Variants in SPAG16 observed in about 807,000 individuals in gnomAD.
SPAG16 encodes sperm-associated antigen 16 protein.
In SPAG16, 86 loss-of-function variants were observed where a neutral mutation model predicts 80.4. The ratio of observed to expected loss-of-function variants is 1.07; its 90% CI spans 0.90 to 1.28. The LOEUF (loss-of-function observed/expected upper bound fraction) is 1.28. Among genes scored for constraint, SPAG16 ranks in the 50% most tolerant of loss-of-function variants. SPAG16 has a pLI of 0.00. For synonymous variants in SPAG16, 294 were observed against 265.9 expected, an observed-to-expected ratio of 1.11 and a Z score of -1.03; for missense variants, 870 against 765.3, an observed-to-expected ratio of 1.14 and a Z score of -1.61.
At chr2:213,523,946 A>C (rs1040235527) in intron 10 of SPAG16, among the ~76,000 whole-genome samples, 1 of 152,242 alleles carries the variant, frequency 6.6e-6, no homozygotes, top group Non-Finnish European at 1.5e-5. Flanking sequence ...TTCTGGGGAG[A>C]AATTTGCATA....
intron 15 of SPAG16, among the ~76,000 whole-genome samples, chr2:214,260,589 A>G (rs1324981141): frequency 6.6e-6 from 1 of 152,006 alleles, no homozygotes; most frequent in African/African-American, 2.4e-5. Flanking sequence ...CTTTCTTTTC[A>G]TCTTAAGGAC....
At chr2:213,512,445 A>G (rs2075266142) in intron 10 of SPAG16, among the ~76,000 whole-genome samples, 2 of 152,198 alleles carry the variant, frequency 1.3e-5, no homozygotes, top group Non-Finnish European at 2.9e-5. Context: ...ACTAAAGACC[A>G]TGTGAGGGAA....
intron 10 of SPAG16, among the ~76,000 whole-genome samples, chr2:213,799,843 T>C (rs1437034583): frequency 2.7e-5 from 4 of 150,930 alleles, no homozygotes; most frequent in African/African-American, 9.8e-5. Context: ...TCAATATCAA[T>C]AGGAAACATA....
intron 15 of SPAG16, among the ~76,000 whole-genome samples, chr2:214,394,137 G>A (rs1430201935): frequency 6.6e-6 from 1 of 151,982 alleles, no homozygotes; most frequent in African/African-American, 2.4e-5. Flanking sequence ...ATCTAAATAG[G>A]CATCTCTCTT....
intron 9 of SPAG16, among the ~76,000 whole-genome samples, chr2:213,482,951 T>C (rs192257402): frequency 1.3e-5 from 2 of 152,160 alleles, no homozygotes; most frequent in African/African-American, 4.8e-5. Flanking sequence ...ATAGAAAAAT[T>C]TGAATATGCA....
At chr2:214,124,341 C>G (rs2054368729) in intron 14 of SPAG16, among the ~76,000 whole-genome samples, 2 of 151,782 alleles carry the variant, frequency 1.3e-5, no homozygotes, top group South Asian at 4.2e-4. Context: ...AGTAAAATCT[C>G]ATTTAAACAG....
intron 15 of SPAG16, among the ~76,000 whole-genome samples, chr2:214,371,881 A>G (rs565458344): frequency 1.3e-5 from 2 of 151,954 alleles, no homozygotes; most frequent in South Asian, 4.2e-4. Flanking sequence ...GGATTTCACC[A>G]TGTTGGCCAG....
chr2:213,677,722 C>T (rs1322166305), intron 10 of SPAG16, among the ~76,000 whole-genome samples: 1 of 152,012 alleles, frequency 6.6e-6, no homozygotes, highest in African/African-American at 2.4e-5. Context: ...GACAAAAGGT[C>T]AACAAGGATA....
intron 12 of SPAG16, among the ~76,000 whole-genome samples, chr2:213,998,738 T>C (rs998143630): frequency 6.6e-6 from 1 of 152,182 alleles, no homozygotes; most frequent in Admixed American, 6.5e-5. Context: ...GACCAAAAGC[T>C]TGATAGTGAT....
intron 13 of SPAG16, among the ~76,000 whole-genome samples, chr2:214,104,472 T>C (rs541848450): frequency 1.3e-5 from 2 of 152,098 alleles, no homozygotes; most frequent in South Asian, 4.2e-4. Flanking sequence ...TGTAGGATGA[T>C]GGCCTGCCCC....
At chr2:213,563,581 A>T (rs2125987831) in intron 10 of SPAG16, among the ~76,000 whole-genome samples, 1 of 152,318 alleles carries the variant, frequency 6.6e-6, no homozygotes, top group South Asian at 2.1e-4. Flanking sequence ...TCTTCTTAAA[A>T]GGCCACCAAT....
intron 10 of SPAG16, among the ~76,000 whole-genome samples, chr2:213,565,666 G>C (rs1448953797): frequency 6.6e-6 from 1 of 152,176 alleles, no homozygotes; most frequent in Non-Finnish European, 1.5e-5. Flanking sequence ...GCGAAACTTA[G>C]AAATAAGGCC....
intron 10 of SPAG16, among the ~76,000 whole-genome samples, chr2:213,558,481 T>TTG (rs1553564591): frequency 0.02 from 2,991 of 151,980 alleles, 105 homozygotes; most frequent in African/African-American, 0.068. Context: ...AATTTTTTTT[T>TTG]TGTGTTAGTC....
At chr2:213,773,140 A>AT (rs967355457) in intron 10 of SPAG16, among the ~76,000 whole-genome samples, 5 of 151,668 alleles carry the variant, frequency 3.3e-5, no homozygotes, top group African/African-American at 9.7e-5. Context: ...TCTTTTTATC[A>AT]TTTTTTTAAT....
intron 15 of SPAG16, among the ~76,000 whole-genome samples, chr2:214,248,300 T>G (rs2125842289): frequency 1.0e-5 from 1 of 98,244 alleles, no homozygotes; most frequent in African/African-American, 4.1e-5. Flanking sequence ...TTATTATTAT[T>G]ATTATTATTA....
chr2:213,562,311 C>A (rs925396773), intron 10 of SPAG16, among the ~76,000 whole-genome samples: 1 of 151,922 alleles, frequency 6.6e-6, no homozygotes, highest in Non-Finnish European at 1.5e-5. Flanking sequence ...TTGCTTTTGC[C>A]CTTTGTGGTG....
chr2:214,260,144 T>A (rs977532936), intron 15 of SPAG16, among the ~76,000 whole-genome samples: 1 of 152,092 alleles, frequency 6.6e-6, no homozygotes, highest in African/African-American at 2.4e-5. Context: ...AAAATCTCAG[T>A]CCATAACTTC....
chr2:213,960,260 G>GT (rs557744826), intron 12 of SPAG16, among the ~76,000 whole-genome samples: 3 of 151,778 alleles, frequency 2.0e-5, no homozygotes, highest in Non-Finnish European at 4.4e-5. Flanking sequence ...GTTCAACATT[G>GT]TTTTTTGTTT....
At position 213,862,569 on chromosome 2, in the gene SPAG16, T is replaced by C. The variant is rs778693647; in HGVS notation, c.1155T>C (p.Asn385=). Residue 385 remains asparagine (N), a synonymous_variant, in exon 11 of 16, where the codon AAT becomes AAC. Transcript: ENST00000331683. ...LWKVLGLPKC[N]VLLTGFGHTD... ...AGGTGTTGGGCCTTCCAAAATGCAA[T>C]GTGCTTCTCACGGGATTTGGCCACA... The C allele has an allele frequency of 6.2e-7, 1 of 1,614,182 alleles. No homozygotes were observed. Among genetic ancestry groups the C allele is most frequent in the Non-Finnish European group, 8.5e-7 (1 of 1,180,018 alleles).
Sources: gnomAD v4.1 joint callset for allele counts (sites outside exome capture counted in the v4.1 genomes callset) on GRCh38, gnomAD v4.1.1 for gene constraint, MANE v1.5 for transcripts, NCBI Gene and HGNC (gene_info 2026-07-23, HGNC 2026-07-21) for gene names.